Variants in SPTBN5 observed in about 807,000 individuals in gnomAD.
The protein encoded by SPTBN5 is spectrin beta, non-erythrocytic 5.
In SPTBN5, 513 loss-of-function variants were observed where a neutral mutation model predicts 477.6. That is an observed-to-expected ratio of 1.07 (90% CI 1.00 to 1.16). The LOEUF (loss-of-function observed/expected upper bound fraction) is 1.16, where lower values mean the gene tolerates loss of function less well. SPTBN5 is among the 50% of genes most tolerant of loss of function. The pLI is 0.00. For synonymous variants in SPTBN5, 2,169 were observed against 2,011.7 expected (o/e 1.08, Z -2.09); for missense variants, 5,062 against 4,731.8 (o/e 1.07, Z -2.05).
In SPTBN5 at chr15:41,885,894, G is replaced by T; in HGVS notation, c.1361C>A (p.Ala454Asp). The change falls in exon 7 of 68, where the codon GCC becomes GAC. Residue 454 changes from alanine (A) to aspartate (D), a missense_variant. Transcript: ENST00000320955. Reference protein sequence around the residue: ...DAEQVLDQARAPPASLATVEA... With the variant: ...DAEQVLDQARDPPASLATVEA... ...CACTGTGGCCAGGCTGGCTGGCGGGGCTCTGGCCTGGTCTAGCACCTGCTC... is the reference window on the plus strand; with the variant it reads ...CACTGTGGCCAGGCTGGCTGGCGGGTCTCTGGCCTGGTCTAGCACCTGCTC... The T allele has an allele frequency of 6.3e-7, 1 of 1,584,048 alleles. No individual in the cohort carries two copies. Among genetic ancestry groups the T allele is most frequent in the South Asian group, 1.1e-5 (1 of 87,080 alleles).
In SPTBN5 at chr15:41,882,368, G is replaced by A. The variant is rs1359261337; in HGVS notation, c.2148C>T (p.Pro716=). Reference sequence around the variant, plus strand: ...CCTGAACGGCCTCTGCCCGTTCCCCGGGATCCGGCTGCGTTGGGGGCCTGC... The same window carrying A: ...CCTGAACGGCCTCTGCCCGTTCCCCAGGATCCGGCTGCGTTGGGGGCCTGC... ...SARRPPTQPD[P]GERAEAVQGG... is the part of the protein sequence containing the mutation. The change falls in exon 11 of 68, where the codon CCC becomes CCT. Residue 716 remains proline, a synonymous_variant. Transcript: ENST00000320955. The A allele has an allele frequency of 4.6e-6, 7 of 1,536,300 alleles. No homozygotes were observed. In the South Asian group the frequency reaches 4.8e-5, roughly 10 times the overall value.
In SPTBN5 at chr15:41,878,350, C is replaced by A; in HGVS notation, c.3462G>T (p.Trp1154Cys). ...TGCCCTCCTGTCCTGACCTCTCCTG[C>A]CACAGGTGGATCTCCTCCAGCAGGT... ...HQDLLEEIHL[W>C]QERLQQLDAQ... Residue 1154 changes from tryptophan to cysteine, a missense_variant, in exon 17 of 68, where the codon TGG (tryptophan) becomes TGT (cysteine). Physicochemically the swap from Trp to Cys is radical, Grantham distance 215. Coordinates refer to ENST00000320955, the MANE Select transcript of SPTBN5 (RefSeq NM_016642.4). 1 of 1,613,606 alleles carries A rather than the reference C, an allele frequency of 6.2e-7. No individual in the cohort carries two copies. Among genetic ancestry groups the A allele is most frequent in the South Asian group, 1.1e-5 (1 of 91,076 alleles).
intron 47 of SPTBN5, among the ~76,000 whole-genome samples, chr15:41,859,869 G>A (rs1179095038): frequency 6.6e-6 from 1 of 152,232 alleles, no homozygotes; most frequent in Non-Finnish European, 1.5e-5. Context: ...AAGGAGCCAT[G>A]GCATTTGTGG....
chr15:41,865,610 TA>T (rs2066272429), intron 39 of SPTBN5, among the ~76,000 whole-genome samples, 197 bp downstream of exon 39: 1 of 152,328 alleles, frequency 6.6e-6, no homozygotes, highest in African/African-American at 2.4e-5. Flanking sequence ...CGTGCTCTCT[TA>T]CCTCTGAGGT....
chr15:41,851,799 G>C lies in SPTBN5; in HGVS notation c.10636C>G (p.Leu3546Val). The change falls in exon 63 of 68, where the codon CTG (leucine) becomes GTG (valine). Residue 3546 changes from leucine to valine, a missense_variant. Physicochemically the swap from Leu to Val is conservative, Grantham distance 32. Transcript: ENST00000320955. ...MEGSLEFKQH[L>V]LPGGRQPSSS... is the part of the protein sequence containing the mutation. The stretch of plus-strand genomic sequence containing the variant: ...CTCACCTGCCTCCCGCCAGGCAGCA[G>C]GTGCTGCTTGAACTCCAAAGACCCC... 2 of 1,610,314 alleles carry C rather than the reference G, an allele frequency of 1.2e-6. No individual in the cohort carries two copies. The highest frequency in any genetic ancestry group is 1.7e-5 in the Admixed American group (1 of 59,914).
intron 35 of SPTBN5, 94 bp from the exon 36 acceptor site, chr15:41,867,220 A>G: frequency 7.3e-7 from 1 of 1,378,496 alleles, no homozygotes; most frequent in South Asian, 1.5e-5. Flanking sequence ...AGGGCCCCGG[A>G]GCCCTTTCCT....
Position 41,882,058 on chromosome 15 carries a change from C to T in SPTBN5, c.2335G>A (p.Ala779Thr). The T allele has an allele frequency of 6.4e-7, 1 of 1,560,340 alleles. No individual in the cohort carries two copies. Among genetic ancestry groups the T allele is most frequent in the Non-Finnish European group, 8.6e-7 (1 of 1,165,022 alleles). The change falls in exon 12 of 68, where the codon GCC (alanine) becomes ACC (threonine). Residue 779 changes from alanine (A) to threonine (T), a missense_variant. Ala to Thr is a moderately conservative substitution (Grantham distance 58). Coordinates refer to ENST00000320955, the MANE Select transcript of SPTBN5 (RefSeq NM_016642.4). ...TGGCGCCTCAGCAGGGTCTCGGCGG[C>T]CGCCTGGTCCTGACCGCAGGACGCT... ...ERASCGQDQAAAETLLRRHVR... is the reference protein window; with the variant it reads ...ERASCGQDQATAETLLRRHVR...
chr15:41,857,607 T>C lies in SPTBN5; in HGVS notation c.8330A>G (p.Gln2777Arg). ...ALWGELQDNS[Q>R]KKVAKLQKAC... is the part of the protein sequence containing the mutation. ...CTTCTGGAGCTTGGCCACCTTCTTC[T>C]GGGAGTTGTCTTGCAGCTCACCCCA... Residue 2777 changes from glutamine to arginine, a missense_variant, in exon 50 of 68, where the codon CAG becomes CGG. Transcript: ENST00000320955. The C allele has an allele frequency of 6.2e-7, 1 of 1,608,664 alleles. No individual in the cohort carries two copies. The highest frequency in any genetic ancestry group is 1.7e-5 in the Admixed American group (1 of 59,412).
chr15:41,861,554 G>C, intron 45 of SPTBN5, 58 bp from the exon 46 acceptor site: 1 of 1,568,828 alleles, frequency 6.4e-7, no homozygotes, highest in South Asian at 1.1e-5. Flanking sequence ...ACTGCAGTTG[G>C]AGTGACTGTT....
Position 41,873,590 on chromosome 15 carries a change from C to T in SPTBN5, c.4909G>A (p.Glu1637Lys), listed in dbSNP as rs751018248. The change falls in exon 26 of 68, where the codon GAG (glutamate) becomes AAG (lysine). Residue 1637 changes from glutamate to lysine, a missense_variant. Transcript: ENST00000320955. ...TTCTCCTCCACCCAGCCCTCCAGCT[C>T]TGACACATCCAGAAAGTACTGCCAA... The part of the protein sequence containing the change: ...TFQQYFLDVS[E>K]LEGWVEEKRP... 27 of 1,551,994 alleles carry T rather than the reference C, an allele frequency of 1.7e-5. No individual in the cohort carries two copies. Among genetic ancestry groups the T allele is most frequent in the Non-Finnish European group, 2.0e-5 (23 of 1,147,302 alleles).
At position 41,851,061 on chromosome 15, in the gene SPTBN5, TAAG is replaced by T; in HGVS notation, c.10830_10832del (p.Leu3611del). On this transcript the variant is annotated inframe_deletion, in exon 65 of 68. Transcript: ENST00000320955. ...GGAGTCCATGTCTCTCCGCTCACCT[TAAG>T]GAGAATGTGTGTTTCCTGCCGTGGC... is the stretch of plus-strand genomic sequence containing the variant. 2 of 1,611,822 alleles carry T rather than the reference TAAG, an allele frequency of 1.2e-6. No homozygotes were observed. Among genetic ancestry groups the T allele is most frequent in the Non-Finnish European group, 1.7e-6 (2 of 1,179,344 alleles).
chr15:41,863,694 CACCACGT>C lies in SPTBN5; in HGVS notation c.7149+3_7149+9del. ...CACAGCCCCCACCGGGACCTCTTTC[CACCACGT>C]ACCTTCTCCTGAATCCTCTTGGTGA... is the stretch of plus-strand genomic sequence containing the variant. On this transcript the variant is annotated splice_donor_5th_base_variant and intron_variant, in intron 41 of 67. Transcript: ENST00000320955. The C allele has an allele frequency of 6.2e-7, 1 of 1,610,294 alleles. No homozygotes were observed. Among genetic ancestry groups the C allele is most frequent in the Non-Finnish European group, 8.5e-7 (1 of 1,177,354 alleles).
intron 63 of SPTBN5, among the ~76,000 whole-genome samples, 157 bp from the exon 64 acceptor site, chr15:41,851,526 G>A (rs1021008846): frequency 1.4e-5 from 2 of 140,086 alleles, no homozygotes; most frequent in South Asian, 2.4e-4. Context: ...GGGCTCTGAC[G>A]GGAAACCAAG....
chr15:41,882,634 GC>G lies in SPTBN5; in HGVS notation c.1996del (p.Ala666ProfsTer31). ...KECGQRVGNA[A>X]LGRDLSQIAG... ...GATCTGGCTGAGATCCCGGCCCAGGGCCGCATTCCCCACCCGCTGTCCGCAC... is the reference window on the plus strand; with the variant it reads ...GATCTGGCTGAGATCCCGGCCCAGGGCGCATTCCCCACCCGCTGTCCGCAC... On this transcript the variant is annotated frameshift_variant, in exon 10 of 68. Coordinates refer to ENST00000320955, the MANE Select transcript of SPTBN5 (RefSeq NM_016642.4). LOFTEE classifies it high-confidence loss of function. The G allele has an allele frequency of 6.2e-7, 1 of 1,607,520 alleles. No individual in the cohort carries two copies. The highest frequency in any genetic ancestry group is 8.5e-7 in the Non-Finnish European group (1 of 1,177,826).
rs2066341174 is a variant in SPTBN5 at position 41,866,956 on chromosome 15, G to A, written c.6480+3C>T. The stretch of plus-strand genomic sequence containing the variant: ...AGGCCCTGGGCTGGGGGTGCCCTCT[G>A]ACCTGGGTTGCGGCCTGGGTGAAGC... On this transcript the variant is annotated splice_donor_region_variant and intron_variant, in intron 36 of 67. Coordinates refer to ENST00000320955, the MANE Select transcript of SPTBN5 (RefSeq NM_016642.4). 3.2e-6 allele frequency: 5 copies of A among 1,573,818 alleles called. No individual in the cohort carries two copies. In the East Asian group the frequency reaches 1.2e-4, roughly 37 times the overall value.
Position 41,849,875 on chromosome 15 carries a change from A to G in SPTBN5, c.11006T>C (p.Leu3669Pro). 6.3e-7 allele frequency: 1 copy of G among 1,575,236 alleles called. No homozygotes were observed. Among genetic ancestry groups the G allele is most frequent in the Non-Finnish European group, 8.6e-7 (1 of 1,160,150 alleles). Residue 3669 changes from leucine (L) to proline (P), a missense_variant, in exon 67 of 68, where the codon CTA becomes CCA. Physicochemically the swap from Leu to Pro is moderately conservative, Grantham distance 98 (BLOSUM62 -3). Transcript: ENST00000320955. Reference protein sequence around the residue: ...CTTKDARPGCLLRSDP With the variant: ...CTTKDARPGCPLRSDP ...CCCCACCCAGGTGTCCCACCTGAGT[A>G]GACATCCAGGCCGGGCATCCTTGGT...
intron 5 of SPTBN5, 29 bp from the exon 6 acceptor site, chr15:41,887,470 C>T (rs2067191749): frequency 6.7e-7 from 1 of 1,495,578 alleles, no homozygotes; most frequent in Non-Finnish European, 9.1e-7. Context: ...GGGCTCTTCA[C>T]CAGCAGGAAC....
At position 41,876,883 on chromosome 15, in the gene SPTBN5, G is replaced by A. The variant is rs1174971218; in HGVS notation, c.3777C>T (p.Thr1259=). The A allele has an allele frequency of 6.2e-7, 1 of 1,610,436 alleles. No individual in the cohort carries two copies. The highest frequency in any genetic ancestry group is 1.1e-5 in the South Asian group (1 of 90,976). The change falls in exon 19 of 68, where the codon ACC becomes ACT. Residue 1259 remains threonine, a synonymous_variant. Transcript: ENST00000320955. The part of the protein sequence containing the change: ...QHREFGRLLS[T]LGPRAEALRA... ...GCAGAGCCTCTGCCCGAGGCCCCAG[G>A]GTGCTCAGGAGCCGCCCAAACTCCC...
chr15:41,876,521 T>A, intron 20 of SPTBN5, 27 bp downstream of exon 20: 1 of 1,558,426 alleles, frequency 6.4e-7, no homozygotes, highest in Non-Finnish European at 8.7e-7. Flanking sequence ...CAGGGAGGCG[T>A]CATGCGACCT....
Sources: gnomAD v4.1 joint callset for allele counts (sites outside exome capture counted in the v4.1 genomes callset) on GRCh38, gnomAD v4.1.1 for gene constraint, MANE v1.5 for transcripts, NCBI Gene and HGNC (gene_info 2026-07-23, HGNC 2026-07-21) for gene names.